The following SLCO1B1 variants were observed in gnomAD, a reference collection of about 807,000 sequenced individuals.
The protein encoded by SLCO1B1 is solute carrier organic anion transporter family member 1B1, also known as OATP-2.
Under a neutral mutation model 70.1 loss-of-function variants are expected in SLCO1B1, and 81 were observed. The observed-to-expected ratio is 1.16, with a 90% CI of 0.97 to 1.39. The LOEUF is 1.39. SLCO1B1 is among the 40% of genes most tolerant of loss of function. SLCO1B1 has a pLI of 0.00. For missense variants in SLCO1B1, 895 were observed against 799.6 expected (o/e 1.12, Z -1.44); for synonymous variants, 283 against 271.5 (o/e 1.04, Z -0.42).
intron 7 of SLCO1B1, among the ~76,000 whole-genome samples, chr12:21,190,313 G>A (rs1941015021): frequency 1.3e-5 from 2 of 152,152 alleles, no homozygotes; most frequent in African/African-American, 2.4e-5. Flanking sequence ...CATTATGTCT[G>A]TACTAAATAA....
Position 21,239,365 on chromosome 12 carries a change from T to C in SLCO1B1, c.*176T>C, listed in dbSNP as rs1941626294. The C allele has an allele frequency of 3.3e-6, 2 of 602,258 alleles. No individual in the cohort carries two copies. The highest frequency in any genetic ancestry group is 5.2e-5 in the Admixed American group (2 of 38,362). The allele number at this position is 602,258 out of a possible 1,614,324, so 37.3% of individuals were successfully genotyped here. A position where few individuals can be genotyped will look rare whatever the true frequency, so the allele number is the denominator to read the frequency against. ...TAAAACAAACTGTAGGTAGAAAAAA[T>C]GAGAGTACTCATTGTTACATTATAG... On this transcript the variant is annotated 3_prime_UTR_variant, in exon 15 of 15. Transcript: ENST00000256958.
chr12:21,164,273 GATTAT>G lies in SLCO1B1; in HGVS notation c.85-8373_85-8369del, dbSNP rs372404228. Among the ~76,000 whole-genome samples, 346 of 152,194 alleles carry G rather than the reference GATTAT, an allele frequency of 2.3e-3. 2 individuals carry two copies. Among genetic ancestry groups the G allele is most frequent in the African/African-American group, 8.2e-3 (341 of 41,538 alleles). On this transcript the variant is annotated intron_variant, in intron 2 of 14. Transcript: ENST00000256958. ...TGTCAAATTCGACTTGTGAAAAGAT[GATTAT>G]ATTGTCTTTAATGCTGTCTTCTTTT...
At chr12:21,237,761 C>A (rs530820116) in intron 14 of SLCO1B1, among the ~76,000 whole-genome samples, 1 of 151,240 alleles carries the variant, frequency 6.6e-6, no homozygotes, top group Admixed American at 6.6e-5. Context: ...GTTGCCCAGG[C>A]TGGAGTGCAA....
intron 11 of SLCO1B1, among the ~76,000 whole-genome samples, chr12:21,208,245 T>C (rs1941237184): frequency 6.6e-6 from 1 of 152,132 alleles, no homozygotes; most frequent in Non-Finnish European, 1.5e-5. Flanking sequence ...TTGGTTTTCT[T>C]CAGTGGTTTT....
chr12:21,236,581 A>G (rs116166170), intron 14 of SLCO1B1, among the ~76,000 whole-genome samples: 7,942 of 152,234 alleles, frequency 0.052, 235 homozygotes, highest in African/African-American at 0.064. Context: ...ATTCCTAACA[A>G]TTTGGTGGTC....
At chr12:21,168,909 T>G (rs1940724655) in intron 2 of SLCO1B1, among the ~76,000 whole-genome samples, 1 of 152,240 alleles carries the variant, frequency 6.6e-6, no homozygotes, top group Non-Finnish European at 1.5e-5. Context: ...TTTTTAATTT[T>G]GTTGCCTGTG....
chr12:21,185,191 G>A (rs578054203), intron 7 of SLCO1B1, among the ~76,000 whole-genome samples: 1 of 148,268 alleles, frequency 6.7e-6, no homozygotes, highest in Non-Finnish European at 1.5e-5. Flanking sequence ...CTCACTGACA[G>A]TGTTAGATAT....
chr12:21,236,129 G>C (rs1211748695), intron 14 of SLCO1B1, among the ~76,000 whole-genome samples: 1 of 152,094 alleles, frequency 6.6e-6, no homozygotes, highest in Non-Finnish European at 1.5e-5. Flanking sequence ...GAGAGAGTGG[G>C]AAATTACCCT....
intron 14 of SLCO1B1, among the ~76,000 whole-genome samples, chr12:21,234,164 G>T (rs1941572379): frequency 6.6e-6 from 1 of 152,072 alleles, no homozygotes; most frequent in Admixed American, 6.5e-5. Flanking sequence ...AGTTCTGATT[G>T]GTCAGGTGAG....
chr12:21,136,969 T>C (rs1292864618), intron 1 of SLCO1B1, among the ~76,000 whole-genome samples: 2 of 152,168 alleles, frequency 1.3e-5, no homozygotes, highest in Non-Finnish European at 2.9e-5. Context: ...GTTTCATCTA[T>C]CTTTGGTCTT....
chr12:21,202,894 T>C (rs926804720), intron 10 of SLCO1B1, among the ~76,000 whole-genome samples: 1 of 152,128 alleles, frequency 6.6e-6, no homozygotes, highest in Non-Finnish European at 1.5e-5. Context: ...ACATAGGTTG[T>C]AATAATAATA....
chr12:21,172,108 T>G (rs1489191385), intron 2 of SLCO1B1, among the ~76,000 whole-genome samples: 1 of 152,240 alleles, frequency 6.6e-6, no homozygotes, highest in African/African-American at 2.4e-5. Context: ...ATAGAAATGA[T>G]TAATCGATAC....
At chr12:21,212,481 C>T (rs1416747321) in intron 11 of SLCO1B1, among the ~76,000 whole-genome samples, 1 of 143,968 alleles carries the variant, frequency 6.9e-6, no homozygotes, top group Non-Finnish European at 1.5e-5. Flanking sequence ...GCTTTACTTC[C>T]CAGTATGTGG....
chr12:21,205,628 G>C (rs965200233), intron 10 of SLCO1B1, among the ~76,000 whole-genome samples: 1 of 148,340 alleles, frequency 6.7e-6, no homozygotes, highest in African/African-American at 2.6e-5. Context: ...TTTACATTTT[G>C]CTTTTTCTAG....
At chr12:21,216,860 G>A (rs1254672479) in intron 11 of SLCO1B1, among the ~76,000 whole-genome samples, 3 of 152,058 alleles carry the variant, frequency 2.0e-5, no homozygotes, top group Non-Finnish European at 4.4e-5. Context: ...AGAGTTCTAG[G>A]CACTAATTTC....
At chr12:21,176,592 C>A (rs186881286) in intron 4 of SLCO1B1, among the ~76,000 whole-genome samples, 184 bp from the exon 5 acceptor site, 66 of 152,198 alleles carry the variant, frequency 4.3e-4, no homozygotes, top group African/African-American at 1.5e-3. Flanking sequence ...TCTTGCTGGA[C>A]ACTTCCATTT....
At chr12:21,211,149 C>T (rs148393988) in intron 11 of SLCO1B1, among the ~76,000 whole-genome samples, 6,101 of 152,154 alleles carry the variant, frequency 0.04, 424 homozygotes, top group East Asian at 0.28. Flanking sequence ...AGTTTTCAAA[C>T]GGAATGCTTC....
At chr12:21,216,994 A>G in intron 11 of SLCO1B1, 125 bp from the exon 12 acceptor site, 1 of 738,612 alleles carries the variant, frequency 1.4e-6, no homozygotes, top group South Asian at 1.6e-5. Flanking sequence ...TATTTTTAGA[A>G]TCTTCTTAAA....
chr12:21,142,066 C>CTT lies in SLCO1B1; in HGVS notation c.84+411_84+412dup, dbSNP rs578052101. On this transcript the variant is annotated intron_variant, in intron 2 of 14. Coordinates refer to ENST00000256958, the MANE Select transcript of SLCO1B1 (RefSeq NM_006446.5). ...TGTGATACTGACTTATTTAAAAATT[C>CTT]TTTTAAAAAAAAAAACAAAAAACAG... 2.7e-4 allele frequency among the ~76,000 whole-genome samples: 12 copies of CTT among 44,372 alleles called. 1 individual carries two copies. The highest frequency in any genetic ancestry group is 1.7e-3 in the Admixed American group (5 of 2,896). 29.1% of individuals were successfully genotyped at this position (44,372 alleles called of 152,430 possible).
Sources: gnomAD v4.1 joint callset for allele counts (sites outside exome capture counted in the v4.1 genomes callset) on GRCh38, gnomAD v4.1.1 for gene constraint, MANE v1.5 for transcripts, NCBI Gene and HGNC (gene_info 2026-07-23, HGNC 2026-07-21) for gene names.